The following WSB2 variants were observed in gnomAD, a reference collection of about 807,000 sequenced individuals.
WSB2 encodes the protein WD repeat and SOCS box containing 2.
Under a neutral mutation model 48.8 loss-of-function variants are expected in WSB2, and 12 were observed. The observed-to-expected ratio is 0.25, with a 90% CI of 0.16 to 0.40. The LOEUF (loss-of-function observed/expected upper bound fraction) is 0.40. Among genes scored for constraint, WSB2 ranks in the 10% least tolerant of loss-of-function variants. WSB2 has a pLI of 1.00. For missense variants in WSB2, 317 were observed against 506.2 expected (o/e 0.63, Z 3.59); for synonymous variants, 191 against 203.1 (o/e 0.94, Z 0.51).
chr12:118,049,832 C>A (rs1308672706), intron 2 of WSB2, among the ~76,000 whole-genome samples: 1 of 152,152 alleles, frequency 6.6e-6, no homozygotes, highest in East Asian at 1.9e-4. Context: ...AACATTCCCT[C>A]TTATCAAGGC....
chr12:118,041,439 G>T (rs567806158), intron 4 of WSB2, among the ~76,000 whole-genome samples: 13 of 152,306 alleles, frequency 8.5e-5, no homozygotes, highest in East Asian at 5.8e-4. Flanking sequence ...AATGTCTGTT[G>T]TTTAAGCCAC....
intron 4 of WSB2, among the ~76,000 whole-genome samples, chr12:118,039,071 G>A (rs1183826489): frequency 6.6e-6 from 1 of 152,142 alleles, no homozygotes; most frequent in Non-Finnish European, 1.5e-5. Flanking sequence ...TTAAGAGAGT[G>A]TTTATCTTCA....
chr12:118,051,986 T>C (rs1191186905), intron 2 of WSB2, among the ~76,000 whole-genome samples: 1 of 151,948 alleles, frequency 6.6e-6, no homozygotes, highest in South Asian at 2.1e-4. Context: ...AATAAATAAA[T>C]AAAGTAAGAC....
Position 118,060,649 on chromosome 12 carries a change from C to T in WSB2, c.13+387G>A, listed in dbSNP as rs2032043661. Among the ~76,000 whole-genome samples, 1 of 152,106 alleles carries T rather than the reference C, an allele frequency of 6.6e-6. No individual in the cohort carries two copies. Among genetic ancestry groups the T allele is most frequent in the Non-Finnish European group, 1.5e-5 (1 of 68,002 alleles). ...CAGAGGTGACTCCCATCCAGACATG[C>T]AAGTGCGTCCCCTGGCACCTGGGTA... On this transcript the variant is annotated intron_variant, in intron 1 of 8. Transcript: ENST00000315436. This position sits in a 1 kb window ranked among gnomAD's most constrained non-coding sequence, Gnocchi z 4.1.
At chr12:118,036,988 C>T (rs1489592028) in intron 5 of WSB2, among the ~76,000 whole-genome samples, 1 of 152,072 alleles carries the variant, frequency 6.6e-6, no homozygotes, top group Non-Finnish European at 1.5e-5. Flanking sequence ...TCAAGACCAG[C>T]TTGGTCAACA....
In WSB2 at chr12:118,052,347, T is replaced by C; in HGVS notation, c.145A>G (p.Ile49Val). The change falls in exon 2 of 9, where the codon ATC becomes GTC. Residue 49 changes from isoleucine to valine, a missense_variant. Physicochemically the swap from Ile to Val is conservative, Grantham distance 29. Coordinates refer to ENST00000315436, the MANE Select transcript of WSB2 (RefSeq NM_018639.5). ...AACGGCCAGGGGATCAGTTTGACGA[T>C]GCAGTGTCCTTGAGACCAAGCAAAC... ...SWFAWSQGHC[I>V]VKLIPWPLEE... The C allele has an allele frequency of 1.9e-6, 3 of 1,614,158 alleles. No individual in the cohort carries two copies. The highest frequency in any genetic ancestry group is 1.1e-5 in the South Asian group (1 of 91,078).
chr12:118,036,628 A>G, intron 5 of WSB2, 118 bp from the exon 6 acceptor site: 1 of 1,077,238 alleles, frequency 9.3e-7, no homozygotes, highest in South Asian at 1.6e-5. Context: ...CTGATTCTCT[A>G]TCCCTTTTCT....
intron 1 of WSB2, chr12:118,052,682 G>T: frequency 1.4e-6 from 1 of 707,880 alleles, no homozygotes; most frequent in Non-Finnish European, 2.3e-6. Flanking sequence ...CTCACTGCTG[G>T]TTAACCATGA....
chr12:118,055,009 T>A (rs1205601623), intron 1 of WSB2, among the ~76,000 whole-genome samples: 3 of 140,328 alleles, frequency 2.1e-5, no homozygotes, highest in Non-Finnish European at 3.0e-5. Context: ...TAAGACTCCA[T>A]CTCTTTAAAA....
At chr12:118,042,215 A>C (rs760714100) in intron 4 of WSB2, among the ~76,000 whole-genome samples, 3 of 152,214 alleles carry the variant, frequency 2.0e-5, no homozygotes, top group Admixed American at 6.5e-5. Context: ...TCAAAAAGAA[A>C]GTCTTTCTTT....
Position 118,045,548 on chromosome 12 carries a change from A to C in WSB2, c.183-2171T>G, listed in dbSNP as rs571985581. Among the ~76,000 whole-genome samples the C allele has an allele frequency of 1.7e-3, 257 of 151,856 alleles. 1 individual carries two copies. Among genetic ancestry groups the C allele is most frequent in the African/African-American group, 5.8e-3 (242 of 41,390 alleles). Reference sequence around the variant, plus strand: ...CCCCATCTCTACTAAAAATACAAAAATTAGCTGGACGTGGTGGCAGGGACC... The same window carrying C: ...CCCCATCTCTACTAAAAATACAAAACTTAGCTGGACGTGGTGGCAGGGACC... On this transcript the variant is annotated intron_variant, in intron 2 of 8. Coordinates refer to ENST00000315436, the MANE Select transcript of WSB2 (RefSeq NM_018639.5).
At chr12:118,041,592 G>T (rs1426164170) in intron 4 of WSB2, among the ~76,000 whole-genome samples, 1 of 151,826 alleles carries the variant, frequency 6.6e-6, no homozygotes, top group African/African-American at 2.4e-5. Context: ...GGGGACAAGT[G>T]GCCTCTTCAT....
Position 118,052,332 on chromosome 12 carries a change from G to C in WSB2, c.160C>G (p.Pro54Ala). The change falls in exon 2 of 9, where the codon CCC becomes GCC. Residue 54 changes from proline (P) to alanine (A), a missense_variant. Pro to Ala is a conservative substitution (Grantham distance 27). Transcript: ENST00000315436. ...TACAACTGCTCCTCCAACGGCCAGGGGATCAGTTTGACGATGCAGTGTCCT... is the reference window on the plus strand; with the variant it reads ...TACAACTGCTCCTCCAACGGCCAGGCGATCAGTTTGACGATGCAGTGTCCT... ...SQGHCIVKLI[P>A]WPLEEQFIPK... The C allele has an allele frequency of 6.2e-7, 1 of 1,614,094 alleles. No homozygotes were observed. The highest frequency in any genetic ancestry group is 8.5e-7 in the Non-Finnish European group (1 of 1,179,970).
Position 118,033,973 on chromosome 12 carries a change from G to A in WSB2, c.*223C>T. The A allele has an allele frequency of 1.7e-6, 1 of 576,414 alleles. No homozygotes were observed. The highest frequency in any genetic ancestry group is 3.0e-6 in the Non-Finnish European group (1 of 328,410). The allele number at this position is 576,414 out of a possible 1,614,324, so 35.7% of individuals were successfully genotyped here. A position where few individuals can be genotyped will look rare whatever the true frequency, so the allele number is the denominator to read the frequency against. Reference sequence around the variant, plus strand: ...GACTGAAAATTTAACGTAAGGCTCTGTTGCCGTGCAAGTGGAATCTCTTCC... The same window carrying A: ...GACTGAAAATTTAACGTAAGGCTCTATTGCCGTGCAAGTGGAATCTCTTCC... On this transcript the variant is annotated 3_prime_UTR_variant, in exon 9 of 9. Coordinates refer to ENST00000315436, the MANE Select transcript of WSB2 (RefSeq NM_018639.5).
At chr12:118,036,955 G>A (rs1746034099) in intron 5 of WSB2, among the ~76,000 whole-genome samples, 1 of 152,140 alleles carries the variant, frequency 6.6e-6, no homozygotes, top group Non-Finnish European at 1.5e-5. Flanking sequence ...GCTGAGGTGG[G>A]TGGATCACAT....
At chr12:118,045,773 C>A (rs1431401461) in intron 2 of WSB2, among the ~76,000 whole-genome samples, 2 of 151,824 alleles carry the variant, frequency 1.3e-5, no homozygotes, top group African/African-American at 4.8e-5. Context: ...TTATTAATAA[C>A]CACAGTCATC....
chr12:118,050,234 T>C (rs2031824647), intron 2 of WSB2, among the ~76,000 whole-genome samples: 1 of 151,990 alleles, frequency 6.6e-6, no homozygotes, highest in Non-Finnish European at 1.5e-5. Context: ...AATGAATAAA[T>C]ACAGACATAG....
intron 2 of WSB2, among the ~76,000 whole-genome samples, chr12:118,044,367 T>G (rs556013180): frequency 1.1e-4 from 16 of 152,278 alleles, no homozygotes; most frequent in African/African-American, 3.9e-4. Flanking sequence ...AGGCTGAATA[T>G]CCACCACTCT....
At chr12:118,055,660 G>A (rs981370812) in intron 1 of WSB2, among the ~76,000 whole-genome samples, 1 of 128,678 alleles carries the variant, frequency 7.8e-6, no homozygotes, top group African/African-American at 3.0e-5. Flanking sequence ...TGTCACCCAG[G>A]CTGGACTGCA....
Sources: gnomAD v4.1 joint callset for allele counts (sites outside exome capture counted in the v4.1 genomes callset) on GRCh38, gnomAD v4.1.1 for gene constraint, Gnocchi (gnomAD v3.1) non-coding constraint, MANE v1.5 for transcripts, NCBI Gene and HGNC (gene_info 2026-07-23, HGNC 2026-07-21) for gene names.